The following DYNC1I1 variants were observed in gnomAD, a reference collection of about 807,000 sequenced individuals.
The protein encoded by DYNC1I1 is dynein cytoplasmic 1 intermediate chain 1, also known as cytoplasmic dynein 1 intermediate chain 1.
In DYNC1I1, 43 loss-of-function variants were observed where a neutral mutation model predicts 86.6. The observed-to-expected ratio is 0.50, with a 90% CI of 0.39 to 0.64. DYNC1I1 has a LOEUF of 0.64. Among genes scored for constraint, DYNC1I1 ranks in the 30% least tolerant of loss-of-function variants. The pLI is 0.00. For synonymous variants in DYNC1I1, 262 were observed against 283.7 expected, an observed-to-expected ratio of 0.92 and a Z score of 0.77; for missense variants, 604 against 788.8, an observed-to-expected ratio of 0.77 and a Z score of 2.81.
intron 6 of DYNC1I1, among the ~76,000 whole-genome samples, chr7:95,890,223 C>T (rs1790701576): frequency 6.6e-6 from 1 of 152,142 alleles, no homozygotes; most frequent in Admixed American, 6.5e-5. Flanking sequence ...AAATGCGGTG[C>T]ATATATACCA....
At chr7:95,971,986 G>C in intron 6 of DYNC1I1, among the ~76,000 whole-genome samples, 1 of 152,136 alleles carries the variant, frequency 6.6e-6, no homozygotes, top group Admixed American at 6.5e-5. Context: ...AGAGCATCAA[G>C]GGCTCTGGCA....
chr7:95,786,844 C>A (rs543663094), intron 1 of DYNC1I1, among the ~76,000 whole-genome samples: 1 of 144,988 alleles, frequency 6.9e-6, no homozygotes, highest in Non-Finnish European at 1.6e-5. Flanking sequence ...GGGAGAAATG[C>A]GCTCTGATCT....
intron 14 of DYNC1I1, among the ~76,000 whole-genome samples, chr7:96,072,271 T>C (rs1001061450): frequency 1.3e-5 from 2 of 152,322 alleles, no homozygotes; most frequent in African/African-American, 4.8e-5. Flanking sequence ...ACCATTATTG[T>C]AACAGCCCTG....
intron 1 of DYNC1I1, among the ~76,000 whole-genome samples, chr7:95,790,562 T>A (rs1287805526): frequency 1.3e-5 from 2 of 152,232 alleles, no homozygotes; most frequent in Admixed American, 6.5e-5. Context: ...CATGGACTTA[T>A]GGAATCTTTA....
At chr7:95,800,237 C>T (rs1435275725) in intron 1 of DYNC1I1, among the ~76,000 whole-genome samples, 1 of 151,722 alleles carries the variant, frequency 6.6e-6, no homozygotes, top group African/African-American at 2.4e-5. Context: ...GTAGCAGGCT[C>T]TAGGGATTTG....
Position 95,969,416 on chromosome 7 carries a change from G to A in DYNC1I1, c.491-8096G>A, listed in dbSNP as rs1858918. ...AAATGCTGAGCTAATCTAGGAAATA[G>A]GGAGCCATTAAAGGTTTTTAGGAAG... is the stretch of plus-strand genomic sequence containing the variant. On this transcript the variant is annotated intron_variant, in intron 6 of 16. Transcript: ENST00000447467. Among the ~76,000 whole-genome samples the A allele has an allele frequency of 9.3e-3, 1,419 of 152,248 alleles. 21 individuals are homozygous for A. Among genetic ancestry groups the A allele is most frequent in the African/African-American group, 0.032 (1,325 of 41,544 alleles).
intron 14 of DYNC1I1, among the ~76,000 whole-genome samples, chr7:96,057,518 A>T (rs966251853): frequency 6.6e-6 from 1 of 152,198 alleles, no homozygotes; most frequent in Non-Finnish European, 1.5e-5. Context: ...GTGGACTCAG[A>T]TGCCTAAATT....
At chr7:95,812,711 C>T (rs557748456) in intron 3 of DYNC1I1, among the ~76,000 whole-genome samples, 4 of 152,216 alleles carry the variant, frequency 2.6e-5, no homozygotes, top group Non-Finnish European at 4.4e-5. Flanking sequence ...CACTTAGGCT[C>T]TCATGGCAAA....
chr7:95,998,122 A>G (rs545016077), intron 10 of DYNC1I1, among the ~76,000 whole-genome samples: 4 of 152,294 alleles, frequency 2.6e-5, no homozygotes, highest in African/African-American at 9.6e-5. Flanking sequence ...TGCCTTCATG[A>G]TCTCATTGAT....
intron 10 of DYNC1I1, among the ~76,000 whole-genome samples, chr7:95,997,722 G>T (rs909353200): frequency 6.6e-6 from 1 of 150,846 alleles, no homozygotes; most frequent in African/African-American, 2.4e-5. Flanking sequence ...AAATATACTC[G>T]TGATTTTAAA....
chr7:95,872,040 G>A (rs1790185508), intron 6 of DYNC1I1, among the ~76,000 whole-genome samples: 1 of 152,210 alleles, frequency 6.6e-6, no homozygotes, highest in African/African-American at 2.4e-5. Flanking sequence ...CTTGACCCTT[G>A]GCTGCCGGCA....
At chr7:95,926,540 T>A (rs1036636170) in intron 6 of DYNC1I1, among the ~76,000 whole-genome samples, 12 of 152,220 alleles carry the variant, frequency 7.9e-5, no homozygotes, top group Non-Finnish European at 1.3e-4. Flanking sequence ...ATAAGGGTTT[T>A]GTTTTTTATT....
intron 14 of DYNC1I1, among the ~76,000 whole-genome samples, chr7:96,071,185 T>C (rs60994646): frequency 0.08 from 12,153 of 152,214 alleles, 862 homozygotes; most frequent in African/African-American, 0.2. Context: ...TCATGAAATA[T>C]AGAGTAAGAA....
Position 95,774,596 on chromosome 7 carries a change from T to A in DYNC1I1, c.-10+1823T>A, listed in dbSNP as rs1359235188. 3.3e-5 allele frequency among the ~76,000 whole-genome samples: 5 copies of A among 152,228 alleles called. No homozygotes were observed. The East Asian group carries it at 9.7e-4, about 29-fold the overall frequency. On this transcript the variant is annotated intron_variant, in intron 1 of 16. Coordinates refer to ENST00000447467, the MANE Select transcript of DYNC1I1 (RefSeq NM_001135556.2). ...AGTTTCTGACTAACTTCGAAGAGAG[T>A]AAGAAGTCACTTGGCATTTCAGTCA...
chr7:95,896,534 A>C (rs1255053083), intron 6 of DYNC1I1, among the ~76,000 whole-genome samples: 1 of 152,164 alleles, frequency 6.6e-6, no homozygotes, highest in Non-Finnish European at 1.5e-5. Flanking sequence ...AAGATAACTG[A>C]CAAAAAGAGA....
chr7:96,039,812 A>G (rs1788980433), intron 14 of DYNC1I1, among the ~76,000 whole-genome samples: 1 of 151,456 alleles, frequency 6.6e-6, no homozygotes, highest in South Asian at 2.1e-4. Context: ...TTACTTACAT[A>G]TGTACCTATG....
chr7:95,926,006 G>C (rs1156907888), intron 6 of DYNC1I1, among the ~76,000 whole-genome samples: 1 of 152,142 alleles, frequency 6.6e-6, no homozygotes, highest in African/African-American at 2.4e-5. Context: ...CATATATTTA[G>C]TTGTCAAATA....
chr7:95,782,021 C>A (rs1794006761), intron 1 of DYNC1I1, among the ~76,000 whole-genome samples: 2 of 152,188 alleles, frequency 1.3e-5, no homozygotes, highest in African/African-American at 4.8e-5. Context: ...CGTTACATGT[C>A]CAGTGTGGGT....
At chr7:95,940,012 G>A (rs1001927319) in intron 6 of DYNC1I1, among the ~76,000 whole-genome samples, 2 of 151,996 alleles carry the variant, frequency 1.3e-5, no homozygotes, top group Non-Finnish European at 2.9e-5. Context: ...AAATCTCTCA[G>A]CATTTGCTTG....
Sources: allele counts gnomAD v4.1 joint callset (sites outside exome capture counted in the v4.1 genomes callset), GRCh38; gene constraint gnomAD v4.1.1; transcripts MANE v1.5; gene names NCBI Gene and HGNC (gene_info 2026-07-23, HGNC 2026-07-21).